MGP: variants seen among roughly 807,000 people sequenced by gnomAD.
MGP encodes the protein matrix Gla protein.
In MGP, 13 loss-of-function variants were observed where a neutral mutation model predicts 14.5. The observed-to-expected ratio is 0.89, with a 90% confidence interval of 0.58 to 1.42. The LOEUF (loss-of-function observed/expected upper bound fraction) is 1.42. Among genes scored for constraint, MGP ranks in the 40% most tolerant of loss-of-function variants. MGP has a pLI of 0.00. For synonymous variants in MGP, 44 were observed against 46.3 expected, an observed-to-expected ratio of 0.95 and a Z score of 0.20; for missense variants, 128 against 133.7, an observed-to-expected ratio of 0.96 and a Z score of 0.21.
In MGP at chr12:14,881,984, C is replaced by G; in HGVS notation, c.*155G>C. On this transcript the variant is annotated 3_prime_UTR_variant, in exon 4 of 4. Transcript: ENST00000539261. ...CAGTGCACTTTCATTACTTATCAAT[C>G]TGGGGGCGGGAAAAAGGGGTGCAGC... 1.1e-6 allele frequency: 1 copy of G among 900,470 alleles called. No homozygotes were observed. Among genetic ancestry groups the G allele is most frequent in the Non-Finnish European group, 1.8e-6 (1 of 570,750 alleles). The allele number at this position is 900,470 out of a possible 1,614,324, so 55.8% of individuals were successfully genotyped here.
chr12:14,882,402 T>A, intron 3 of MGP, 122 bp from the exon 4 acceptor site: 1 of 1,276,744 alleles, frequency 7.8e-7, no homozygotes, highest in Non-Finnish European at 1.1e-6. Flanking sequence ...AAGAGATATT[T>A]AAAGAACAGG....
At chr12:14,882,365 G>C in intron 3 of MGP, 85 bp from the exon 4 acceptor site, 2 of 1,489,072 alleles carry the variant, frequency 1.3e-6, no homozygotes, top group Non-Finnish European at 1.9e-6. Context: ...ATATTGGAGA[G>C]ACTTTCTCTC....
chr12:14,884,129 T>C (rs1863412673), intron 2 of MGP, 84 bp downstream of exon 2: 2 of 1,139,652 alleles, frequency 1.8e-6, no homozygotes, highest in African/African-American at 3.1e-5. Flanking sequence ...CCCTGTTATA[T>C]ATCTTTCCAT....
chr12:14,884,575 G>A (rs776748237), intron 1 of MGP, among the ~76,000 whole-genome samples: 5 of 152,190 alleles, frequency 3.3e-5, no homozygotes, highest in Non-Finnish European at 7.3e-5. Context: ...TTTAAGTGCT[G>A]TACAGAAGTC....
At position 14,884,257 on chromosome 12, in the gene MGP, A is replaced by AG. The variant is rs747801104; in HGVS notation, c.62-13_62-12insC. The AG allele has an allele frequency of 5.8e-6, 8 of 1,374,666 alleles. No individual in the cohort carries two copies. Among genetic ancestry groups the AG allele is most frequent in the Non-Finnish European group, 7.1e-6 (7 of 986,524 alleles). 85.2% of individuals were successfully genotyped at this position (1,374,666 alleles called of 1,614,324 possible). On this transcript the variant is annotated splice_polypyrimidine_tract_variant and intron_variant, in intron 1 of 3. Transcript: ENST00000539261. ...GCTTTCATGTGATTCTGAAATTAAA[A>AG]AAAAAAGATTCATTATATCAATATT...
chr12:14,884,072 G>T (rs1863412094), intron 2 of MGP, 141 bp downstream of exon 2: 4 of 673,718 alleles, frequency 5.9e-6, no homozygotes, highest in Non-Finnish European at 9.5e-6. Context: ...ATAGTCATTA[G>T]ATTTAAAAAT....
chr12:14,884,974 T>C, intron 1 of MGP: 1 of 1,216,568 alleles, frequency 8.2e-7, no homozygotes, highest in South Asian at 1.4e-5. Context: ...AAAAAGGAGG[T>C]GAAGAAATCA....
In MGP at chr12:14,882,057, A is replaced by G. The variant is rs1205918116; in HGVS notation, c.*82T>C. On this transcript the variant is annotated 3_prime_UTR_variant, in exon 4 of 4. Transcript: ENST00000539261. ...AGAAGCATTGTATATAAGCCTATGT[A>G]TTTCTGTAATGCTGCTACAGGGGGA... 1.3e-6 allele frequency: 2 copies of G among 1,518,962 alleles called. No individual in the cohort carries two copies. Among genetic ancestry groups the G allele is most frequent in the African/African-American group, 2.8e-5 (2 of 72,634 alleles). The allele number at this position is 1,518,962 out of a possible 1,614,324, so 94.1% of individuals were successfully genotyped here. A position where few individuals can be genotyped will look rare whatever the true frequency, so the allele number is the denominator to read the frequency against.
At chr12:14,885,535 C>G (rs1008756930) in intron 1 of MGP, among the ~76,000 whole-genome samples, 196 bp downstream of exon 1, 3 of 152,116 alleles carry the variant, frequency 2.0e-5, no homozygotes, top group Non-Finnish European at 4.4e-5. Flanking sequence ...GCATAAGACT[C>G]TGGATATTTA....
rs1194219732 is a variant in MGP at position 14,882,199 on chromosome 12, C to G, written c.252G>C (p.Met84Ile). ...DDYRLCERYA[M>I]VYGYNAAYNR... ...TATAGGCAGCATTGTATCCATAAAC[C>G]ATGGCGTAGCGTTCGCAAAGTCTGT... The change falls in exon 4 of 4, where the codon ATG becomes ATC. Residue 84 changes from methionine to isoleucine, a missense_variant. By Grantham distance (10) the Met-to-Ile change is conservative. Coordinates refer to ENST00000539261, the MANE Select transcript of MGP (RefSeq NM_000900.5). 6.2e-7 allele frequency: 1 copy of G among 1,613,964 alleles called. No individual in the cohort carries two copies.
chr12:14,883,798 C>CAA (rs557009814), intron 2 of MGP: 2,139 of 152,454 alleles, frequency 0.014, 47 homozygotes, highest in African/African-American at 0.051. Context: ...GACACTGTCT[C>CAA]AAAAAAAAAA....
intron 2 of MGP, 56 bp from the exon 3 acceptor site, chr12:14,883,103 C>A: frequency 7.7e-7 from 1 of 1,296,946 alleles, no homozygotes; most frequent in Non-Finnish European, 1.1e-6. Flanking sequence ...GGAAATATTT[C>A]CGTGAATATT....
rs753350275 is a variant in MGP at position 14,882,210 on chromosome 12, G to A, written c.241C>T (p.Arg81Cys). 2.5e-6 allele frequency: 4 copies of A among 1,614,008 alleles called. No homozygotes were observed. The highest frequency in any genetic ancestry group is 1.7e-5 in the Admixed American group (1 of 60,016). The change falls in exon 4 of 4, where the codon CGC (arginine) becomes TGC (cysteine). Residue 81 changes from arginine (R) to cysteine (C), a missense_variant. Physicochemically the swap from Arg to Cys is radical, Grantham distance 180. Transcript: ENST00000539261. The part of the protein sequence containing the change: ...EACDDYRLCE[R>C]YAMVYGYNAA... Reference sequence around the variant, plus strand: ...TTGTATCCATAAACCATGGCGTAGCGTTCGCAAAGTCTGTAGTCATCACAG... The same window carrying A: ...TTGTATCCATAAACCATGGCGTAGCATTCGCAAAGTCTGTAGTCATCACAG...
chr12:14,884,204 T>G lies in MGP; in HGVS notation c.94+9A>C, dbSNP rs1863413404. 6.8e-7 allele frequency: 1 copy of G among 1,464,564 alleles called. No homozygotes were observed. Among genetic ancestry groups the G allele is most frequent in the African/African-American group, 1.4e-5 (1 of 71,794 alleles). 90.7% of individuals were successfully genotyped at this position (1,464,564 alleles called of 1,614,324 possible). On this transcript the variant is annotated intron_variant, in intron 2 of 3. Transcript: ENST00000539261. ...GGGATTTGAATAAAGAAGTTAAATA[T>G]TCACTTACTAAGTTCATAAGATTCC... is the stretch of plus-strand genomic sequence containing the variant.
Position 14,882,074 on chromosome 12 carries a change from A to T in MGP, c.*65T>A. On this transcript the variant is annotated 3_prime_UTR_variant, in exon 4 of 4. Transcript: ENST00000539261. ...GCCTATGTATTTCTGTAATGCTGCT[A>T]CAGGGGGATACAAAATCAGGTGCCA... The T allele has an allele frequency of 6.4e-7, 1 of 1,572,260 alleles. No homozygotes were observed. The highest frequency in any genetic ancestry group is 8.8e-7 in the Non-Finnish European group (1 of 1,142,426).
chr12:14,883,900 T>C, intron 2 of MGP: 1 of 251,900 alleles, frequency 4.0e-6, no homozygotes, highest in South Asian at 6.1e-5. Context: ...AGCTCTGTGC[T>C]TTACCATTTG....
rs201399360 is a variant in MGP, at chr12:14,882,117, G to A, written c.*22C>T. 8.7e-6 allele frequency: 14 copies of A among 1,613,716 alleles called. No homozygotes were observed. The highest frequency in any genetic ancestry group is 4.0e-5 in the African/African-American group (3 of 74,886). ...AGGTGCCAGCCTCCAGAAAAAAAGA[G>A]ATTTTTTTTCTTCCCTCAGTCTCAT... On this transcript the variant is annotated 3_prime_UTR_variant, in exon 4 of 4. Transcript: ENST00000539261.
At chr12:14,883,644 C>G (rs1044004487) in intron 2 of MGP, 3 of 161,942 alleles carry the variant, frequency 1.9e-5, no homozygotes, top group Admixed American at 5.9e-5. Context: ...ACTAAAAATA[C>G]AAAAATTAGC....
In MGP at chr12:14,880,995, G is replaced by C. The variant is rs1023708588; in HGVS notation, c.*1144C>G. 6.6e-6 allele frequency among the ~76,000 whole-genome samples: 1 copy of C among 152,144 alleles called. No individual in the cohort carries two copies. The highest frequency in any genetic ancestry group is 2.4e-5 in the African/African-American group (1 of 41,424). ...ATAATTAAAAGAAACGTGGCAACTT[G>C]GGATTCAATATACAGTGAAAATATC... On this transcript the variant is annotated 3_prime_UTR_variant, in exon 4 of 4. Transcript: ENST00000539261.
Sources: gnomAD v4.1 joint callset for allele counts (sites outside exome capture counted in the v4.1 genomes callset) on GRCh38, gnomAD v4.1.1 for gene constraint, MANE v1.5 for transcripts, NCBI Gene and HGNC (gene_info 2026-07-23, HGNC 2026-07-21) for gene names.